Variants in PCDH15 observed in about 807,000 individuals in gnomAD.
PCDH15 encodes protocadherin related 15, also known as protocadherin-15.
PCDH15 carries 129 observed loss-of-function variants against 178.5 expected under a neutral mutation model. The observed-to-expected ratio is 0.72, with a 90% confidence interval of 0.63 to 0.84. The LOEUF is 0.84. Among genes scored for constraint, PCDH15 ranks in the 40% least tolerant of loss-of-function variants. The pLI, the probability that PCDH15 is intolerant of heterozygous loss-of-function variation, is 0.00. For synonymous variants in PCDH15, 800 were observed against 732.0 expected (o/e 1.09, Z -1.50); for missense variants, 2,230 against 2,099.9 (o/e 1.06, Z -1.21).
intron 2 of PCDH15, among the ~76,000 whole-genome samples, chr10:55,332,128 A>G (rs1413716086): frequency 1.3e-5 from 2 of 152,166 alleles, no homozygotes; most frequent in African/African-American, 4.8e-5. Flanking sequence ...ATGGTTTATT[A>G]GGATACTTGT....
intron 2 of PCDH15, among the ~76,000 whole-genome samples, chr10:55,619,889 AT>A (rs1843556494): frequency 1.3e-5 from 2 of 152,046 alleles, no homozygotes; most frequent in Non-Finnish European, 2.9e-5. Flanking sequence ...CCAACTTTTT[AT>A]TTATTAATTA....
intron 2 of PCDH15, among the ~76,000 whole-genome samples, chr10:54,910,047 G>A (rs1954792671): frequency 6.6e-6 from 1 of 152,154 alleles, no homozygotes; most frequent in African/African-American, 2.4e-5. Context: ...AAAGACCCCA[G>A]GCCTGGGAGA....
intron 1 of PCDH15, among the ~76,000 whole-genome samples, chr10:54,795,052 A>T (rs1309351652): frequency 6.6e-6 from 1 of 151,802 alleles, no homozygotes; most frequent in Non-Finnish European, 1.5e-5. Context: ...ATACATTTTC[A>T]CTTACAAACC....
At chr10:54,499,050 G>T (rs1404086524) in intron 3 of PCDH15, among the ~76,000 whole-genome samples, 4 of 152,024 alleles carry the variant, frequency 2.6e-5, no homozygotes, top group Admixed American at 2.6e-4. Flanking sequence ...CTTCCACCAG[G>T]CCCCTCCTCC....
chr10:54,254,601 T>G (rs2056759519), intron 8 of PCDH15, among the ~76,000 whole-genome samples: 1 of 152,126 alleles, frequency 6.6e-6, no homozygotes, highest in Non-Finnish European at 1.5e-5. Flanking sequence ...ACTGGCAACA[T>G]TTAAATCCCT....
At chr10:55,072,425 G>A (rs1299809203) in intron 2 of PCDH15, among the ~76,000 whole-genome samples, 3 of 152,078 alleles carry the variant, frequency 2.0e-5, no homozygotes, top group Non-Finnish European at 2.9e-5. Flanking sequence ...TATCACCACC[G>A]ATCCCATAGA....
At chr10:54,649,121 A>C (rs1824649767) in intron 2 of PCDH15, among the ~76,000 whole-genome samples, 1 of 152,184 alleles carries the variant, frequency 6.6e-6, no homozygotes, top group Admixed American at 6.6e-5. Context: ...TGATGTCAGG[A>C]ACAGCCACTG....
intron 2 of PCDH15, among the ~76,000 whole-genome samples, chr10:55,068,911 T>C (rs1209199627): frequency 6.6e-6 from 1 of 152,058 alleles, no homozygotes; most frequent in Non-Finnish European, 1.5e-5. Context: ...GTTATTATTA[T>C]TTTTGAGACA....
intron 2 of PCDH15, among the ~76,000 whole-genome samples, chr10:55,483,340 T>A (rs1483548143): frequency 6.6e-6 from 1 of 151,732 alleles, no homozygotes; most frequent in Non-Finnish European, 1.5e-5. Flanking sequence ...AAAAGGAGAT[T>A]TACAAGCAGC....
intron 2 of PCDH15, among the ~76,000 whole-genome samples, chr10:55,526,855 C>T (rs1841312189): frequency 6.6e-6 from 1 of 152,024 alleles, no homozygotes; most frequent in Non-Finnish European, 1.5e-5. Flanking sequence ...CCATATCATT[C>T]AAATGAATTA....
chr10:55,163,832 C>T (rs2265695), intron 2 of PCDH15, among the ~76,000 whole-genome samples: 9,635 of 152,138 alleles, frequency 0.063, 426 homozygotes, highest in Admixed American at 0.1. Flanking sequence ...CAGGAATTGC[C>T]CGCCCCTTTC....
At chr10:54,105,317 T>TATACAC (rs1233590982) in intron 15 of PCDH15, among the ~76,000 whole-genome samples, 369 of 91,478 alleles carry the variant, frequency 4.0e-3, no homozygotes, top group Non-Finnish European at 5.8e-3. Flanking sequence ...TATATATATA[T>TATACAC]ACACACACAC....
chr10:55,236,233 G>T (rs1841383388), intron 1 of PCDH15, among the ~76,000 whole-genome samples: 1 of 151,920 alleles, frequency 6.6e-6, no homozygotes, highest in Non-Finnish European at 1.5e-5. Flanking sequence ...GTAACCATGA[G>T]TATTATAATT....
At chr10:54,893,599 T>C (rs1229114350) in intron 3 of PCDH15, among the ~76,000 whole-genome samples, 2 of 152,038 alleles carry the variant, frequency 1.3e-5, no homozygotes, top group Admixed American at 6.6e-5. Flanking sequence ...ATAAATATTG[T>C]TTAAAAATTA....
intron 25 of PCDH15, among the ~76,000 whole-genome samples, chr10:53,928,240 C>T (rs1435915869): frequency 2.6e-5 from 4 of 151,890 alleles, no homozygotes; most frequent in Non-Finnish European, 4.4e-5. Flanking sequence ...AATTTATTTT[C>T]GTCTATTTAA....
intron 8 of PCDH15, among the ~76,000 whole-genome samples, chr10:54,282,546 T>C (rs1407312051): frequency 6.6e-6 from 1 of 152,102 alleles, no homozygotes; most frequent in East Asian, 1.9e-4. Context: ...TTTAACAGTA[T>C]AATGCTTCTC....
At chr10:54,380,350 A>T (rs1949026156) in intron 3 of PCDH15, among the ~76,000 whole-genome samples, 1 of 151,654 alleles carries the variant, frequency 6.6e-6, no homozygotes, top group Non-Finnish European at 1.5e-5. Flanking sequence ...CATACAATAC[A>T]CTCCAAAGTA....
chr10:54,341,151 TC>T (rs1942147191), intron 6 of PCDH15, among the ~76,000 whole-genome samples: 1 of 152,138 alleles, frequency 6.6e-6, no homozygotes, highest in African/African-American at 2.4e-5. Flanking sequence ...GGTGGTCCTC[TC>T]CTGCCCTGCT....
intron 2 of PCDH15, among the ~76,000 whole-genome samples, chr10:55,534,737 T>G (rs2132067433): frequency 6.6e-6 from 1 of 152,118 alleles, no homozygotes; most frequent in African/African-American, 2.4e-5. Context: ...GGAAAATAAA[T>G]CATTATACCA....
Sources: gnomAD v4.1 joint callset for allele counts (sites outside exome capture counted in the v4.1 genomes callset) on GRCh38, gnomAD v4.1.1 for gene constraint, MANE v1.5 for transcripts, NCBI Gene and HGNC (gene_info 2026-07-23, HGNC 2026-07-21) for gene names.